Variants in SGCZ observed in about 807,000 individuals in gnomAD.
The protein encoded by SGCZ is zeta-sarcoglycan.
SGCZ carries 40 observed loss-of-function variants against 41.3 expected under a neutral mutation model. That is an observed-to-expected ratio of 0.97 (90% CI 0.75 to 1.26). The LOEUF (loss-of-function observed/expected upper bound fraction) is 1.26. SGCZ is among the 50% of genes most tolerant of loss of function. The probability of loss-of-function intolerance (pLI) is 0.00; values close to 1 mark genes in which losing one functional copy is unlikely to be tolerated. For missense variants in SGCZ, 552 were observed against 369.8 expected, an observed-to-expected ratio of 1.49 and a Z score of -4.04; for synonymous variants, 206 against 137.5, an observed-to-expected ratio of 1.50 and a Z score of -3.49.
chr8:14,495,105 C>T (rs966541679), intron 2 of SGCZ, among the ~76,000 whole-genome samples: 1 of 152,012 alleles, frequency 6.6e-6, no homozygotes, highest in African/African-American at 2.4e-5. Context: ...TTTCGTACCT[C>T]TCAAGGAATG....
chr8:14,812,262 C>G (rs17120295), intron 1 of SGCZ, among the ~76,000 whole-genome samples: 28,937 of 151,938 alleles, frequency 0.19, 4,912 homozygotes, highest in African/African-American at 0.46. Flanking sequence ...CCAACATTCA[C>G]ATTCATTTAA....
At chr8:14,436,763 C>T (rs1408964898) in intron 2 of SGCZ, among the ~76,000 whole-genome samples, 2 of 152,184 alleles carry the variant, frequency 1.3e-5, no homozygotes, top group Non-Finnish European at 2.9e-5. Context: ...GGAATATTTG[C>T]AAAGCATTTC....
At chr8:14,663,064 A>G (rs754225667) in intron 1 of SGCZ, among the ~76,000 whole-genome samples, 4 of 152,164 alleles carry the variant, frequency 2.6e-5, no homozygotes, top group Admixed American at 6.5e-5. Flanking sequence ...AGTTCTGCCA[A>G]CAACTTGATC....
rs111952908 is a variant in SGCZ, at chr8:14,313,891, A to G, written c.336+10212T>C. Among the ~76,000 whole-genome samples the G allele has an allele frequency of 7.7e-4, 116 of 149,766 alleles. 2 individuals are homozygous for G. Among genetic ancestry groups the G allele is most frequent in the African/African-American group, 2.8e-3 (115 of 40,770 alleles). On this transcript the variant is annotated intron_variant, in intron 3 of 7. Coordinates refer to ENST00000382080, the MANE Select transcript of SGCZ (RefSeq NM_139167.4). ...ATCTTTCTTGGGGAAAGACAAAAGT[A>G]TAGGGTTATATCATCTCTCTGTGTG...
chr8:15,117,127 T>G (rs1406845391), intron 1 of SGCZ, among the ~76,000 whole-genome samples: 1 of 152,272 alleles, frequency 6.6e-6, no homozygotes, highest in East Asian at 1.9e-4. Context: ...ATCCCAGCAT[T>G]TTGGGAGGCC....
chr8:14,809,267 A>T (rs1173580105), intron 1 of SGCZ, among the ~76,000 whole-genome samples: 1 of 152,074 alleles, frequency 6.6e-6, no homozygotes, highest in East Asian at 1.9e-4. Flanking sequence ...AAAATAAATA[A>T]AAGAGCAAAC....
intron 1 of SGCZ, among the ~76,000 whole-genome samples, chr8:14,817,249 C>T (rs773000783): frequency 1.3e-5 from 2 of 152,140 alleles, no homozygotes; most frequent in Non-Finnish European, 2.9e-5. Context: ...CACATAGTCT[C>T]ACCTAACAGG....
At chr8:14,918,968 G>A (rs537373275) in intron 1 of SGCZ, among the ~76,000 whole-genome samples, 4 of 152,248 alleles carry the variant, frequency 2.6e-5, no homozygotes, top group East Asian at 1.9e-4. Flanking sequence ...AGACTGGGGG[G>A]TTTCAAAACC....
At chr8:14,336,884 G>C (rs115417822) in intron 2 of SGCZ, among the ~76,000 whole-genome samples, 3 of 152,064 alleles carry the variant, frequency 2.0e-5, no homozygotes, top group East Asian at 3.9e-4. Context: ...TCTCATCCTG[G>C]ACTCTTCATT....
At chr8:14,864,535 G>C (rs1173577082) in intron 1 of SGCZ, among the ~76,000 whole-genome samples, 1 of 152,094 alleles carries the variant, frequency 6.6e-6, no homozygotes, top group South Asian at 2.1e-4. Context: ...CTAGAATCTT[G>C]TGTCCCGGTG....
At chr8:14,162,371 T>C (rs1804073300) in intron 5 of SGCZ, among the ~76,000 whole-genome samples, 1 of 152,162 alleles carries the variant, frequency 6.6e-6, no homozygotes, top group Non-Finnish European at 1.5e-5. Context: ...TCAAGAGTGA[T>C]GACCAGTAAG....
At chr8:14,530,270 A>C (rs895781243) in intron 2 of SGCZ, among the ~76,000 whole-genome samples, 4 of 152,056 alleles carry the variant, frequency 2.6e-5, no homozygotes, top group African/African-American at 9.7e-5. Context: ...TTGGTCCTCT[A>C]GTCAGTCTCA....
chr8:15,142,390 T>A (rs994205048), intron 1 of SGCZ, among the ~76,000 whole-genome samples: 1 of 152,144 alleles, frequency 6.6e-6, no homozygotes, highest in African/African-American at 2.4e-5. Flanking sequence ...TGTAATATAT[T>A]TGATGTATTT....
intron 1 of SGCZ, among the ~76,000 whole-genome samples, chr8:14,959,874 G>T (rs1269906196): frequency 1.1e-4 from 16 of 152,132 alleles, no homozygotes; most frequent in Admixed American, 1.0e-3. Context: ...CAGGGAGCAG[G>T]TAATTAGCTT....
At chr8:14,735,303 G>C (rs945697304) in intron 1 of SGCZ, among the ~76,000 whole-genome samples, 1 of 152,196 alleles carries the variant, frequency 6.6e-6, no homozygotes, top group Non-Finnish European at 1.5e-5. Flanking sequence ...ATTTGAGTCA[G>C]TGGACTAGGA....
At chr8:14,390,241 T>C (rs1339732773) in intron 2 of SGCZ, among the ~76,000 whole-genome samples, 1 of 151,952 alleles carries the variant, frequency 6.6e-6, no homozygotes, top group East Asian at 1.9e-4. Flanking sequence ...CTTGGATACA[T>C]GGCATATAGA....
chr8:14,269,231 T>A (rs1332941904), intron 3 of SGCZ, among the ~76,000 whole-genome samples: 1 of 152,184 alleles, frequency 6.6e-6, no homozygotes, highest in Non-Finnish European at 1.5e-5. Context: ...TTGAGATTAT[T>A]ACTTTAATGG....
At chr8:14,390,539 A>G (rs1178644254) in intron 2 of SGCZ, among the ~76,000 whole-genome samples, 1 of 151,956 alleles carries the variant, frequency 6.6e-6, no homozygotes, top group African/African-American at 2.4e-5. Context: ...AAGTTCAAAT[A>G]AAAGAAACAC....
intron 4 of SGCZ, among the ~76,000 whole-genome samples, chr8:14,215,046 TA>T (rs888141150): frequency 1.6e-4 from 25 of 152,164 alleles, no homozygotes; most frequent in South Asian, 8.3e-4. Flanking sequence ...AGCACTTCAC[TA>T]AACAAAATTC....
Sources: allele counts gnomAD v4.1 joint callset (sites outside exome capture counted in the v4.1 genomes callset), GRCh38; gene constraint gnomAD v4.1.1; transcripts MANE v1.5; gene names NCBI Gene and HGNC (gene_info 2026-07-23, HGNC 2026-07-21).